Variants in C2CD2 observed in about 807,000 individuals in gnomAD.
C2CD2 encodes C2 domain-containing protein 2.
Under a neutral mutation model 74.3 loss-of-function variants are expected in C2CD2, and 43 were observed. The observed-to-expected ratio is 0.58, with a 90% CI of 0.45 to 0.75. C2CD2 has a LOEUF of 0.75. Ranked by LOEUF, C2CD2 falls within the 30% of genes least tolerant of loss-of-function variation. The probability of loss-of-function intolerance (pLI) is 0.00; values close to 1 mark genes in which losing one functional copy is unlikely to be tolerated. For synonymous variants in C2CD2, 422 were observed against 390.7 expected, an observed-to-expected ratio of 1.08 and a Z score of -0.94; for missense variants, 801 against 916.3, an observed-to-expected ratio of 0.87 and a Z score of 1.63.
In C2CD2 at chr21:41,892,489, T is replaced by A. The variant is rs569456203; in HGVS notation, c.1871-3145A>T. On this transcript the variant is annotated intron_variant, in intron 13 of 13. Transcript: ENST00000380486. This position sits in a 1 kb window ranked among gnomAD's most constrained non-coding sequence, Gnocchi z 4.6. ...TCCAGGAACGTCCACCATGTCTTCC[T>A]GTTCAGTCCTTAGAACCCAGGCAGC... Among the ~76,000 whole-genome samples the A allele has an allele frequency of 6.6e-6, 1 of 152,170 alleles. No homozygotes were observed. Among genetic ancestry groups the A allele is most frequent in the Non-Finnish European group, 1.5e-5 (1 of 68,020 alleles).
rs137925769 is a variant in C2CD2 at position 41,928,228 on chromosome 21, C to T, written c.379-6143G>A. Among the ~76,000 whole-genome samples, 237 of 152,318 alleles carry T rather than the reference C, an allele frequency of 1.6e-3. 1 individual carries two copies. The highest frequency in any genetic ancestry group is 5.5e-3 in the African/African-American group (228 of 41,562). Reference sequence around the variant, plus strand: ...CTCCTACGCCCCATGCTCTGTATTCCGACCAACCGACGAAACCTCGGGGCC... The same window carrying T: ...CTCCTACGCCCCATGCTCTGTATTCTGACCAACCGACGAAACCTCGGGGCC... On this transcript the variant is annotated intron_variant, in intron 2 of 13. Coordinates refer to ENST00000380486, the MANE Select transcript of C2CD2 (RefSeq NM_015500.2).
At chr21:41,912,752 G>A (rs953495304) in intron 6 of C2CD2, among the ~76,000 whole-genome samples, 1 of 152,128 alleles carries the variant, frequency 6.6e-6, no homozygotes, top group African/African-American at 2.4e-5. Flanking sequence ...GCCTCCCAAA[G>A]TGCTGGGATT....
rs1569057101 is a variant in C2CD2 at position 41,899,147 on chromosome 21, T to C, written c.1776A>G (p.Ala592=). ...GGTCCAGCAGGACCTGGCTGCTCCATGCCGCGGCCTGTGGCTCCTTCTCCA... is the reference window on the plus strand; with the variant it reads ...GGTCCAGCAGGACCTGGCTGCTCCACGCCGCGGCCTGTGGCTCCTTCTCCA... ...WDLEKEPQAA[A]WSSQVLLDPD... The change falls in exon 13 of 14, where the codon GCA becomes GCG. Residue 592 remains alanine, a synonymous_variant. Coordinates refer to ENST00000380486, the MANE Select transcript of C2CD2 (RefSeq NM_015500.2). This position sits in a 1 kb window ranked among gnomAD's most constrained non-coding sequence, Gnocchi z 4.4. 1.9e-6 allele frequency: 3 copies of C among 1,613,790 alleles called. No homozygotes were observed. The East Asian group carries it at 6.7e-5, about 36-fold the overall frequency.
rs1555906437 is a variant in C2CD2, at chr21:41,944,537, A to AAG, written c.280-2293_280-2292insCT. Among the ~76,000 whole-genome samples the AAG allele has an allele frequency of 3.2e-4, 48 of 150,176 alleles. 1 individual carries two copies. The highest frequency in any genetic ancestry group is 1.2e-3 in the African/African-American group (48 of 40,264). ...ACTCTGCCTCAAAAAAAAAAAAAAA[A>AAG]AAAAAGAAAAGAAAAGAGTTTGCTG... is the stretch of plus-strand genomic sequence containing the variant. On this transcript the variant is annotated intron_variant, in intron 1 of 13. Transcript: ENST00000380486.
At chr21:41,905,859 T>A (rs1252628160) in intron 10 of C2CD2, 22 bp from the exon 11 acceptor site, 3 of 1,351,074 alleles carry the variant, frequency 2.2e-6, no homozygotes, top group Non-Finnish European at 3.2e-6. Flanking sequence ...AGATCCTGAT[T>A]ACAAAAGCGG....
intron 1 of C2CD2, among the ~76,000 whole-genome samples, chr21:41,947,522 A>G (rs557603730): frequency 2.0e-5 from 3 of 152,280 alleles, no homozygotes; most frequent in African/African-American, 7.2e-5. Flanking sequence ...CATGCCACCA[A>G]TGTTAATTTC....
At chr21:41,891,950 C>T (rs1483303971) in intron 13 of C2CD2, among the ~76,000 whole-genome samples, 2 of 152,174 alleles carry the variant, frequency 1.3e-5, no homozygotes, top group African/African-American at 4.8e-5. Context: ...GAGGTATGAG[C>T]AGGGACAATG....
At chr21:41,894,949 G>A (rs1210327208) in intron 13 of C2CD2, 2 of 456,710 alleles carry the variant, frequency 4.4e-6, no homozygotes, top group Non-Finnish European at 8.8e-6. Flanking sequence ...CCACCTCCAC[G>A]AGCAACACCT....
At chr21:41,941,164 A>G (rs959379398) in intron 2 of C2CD2, among the ~76,000 whole-genome samples, 6 of 152,062 alleles carry the variant, frequency 3.9e-5, no homozygotes, top group African/African-American at 1.4e-4. Context: ...AAACCAGCTT[A>G]GGCAACATAG....
intron 2 of C2CD2, among the ~76,000 whole-genome samples, chr21:41,938,554 G>A (rs987519455): frequency 2.0e-5 from 3 of 151,776 alleles, no homozygotes; most frequent in African/African-American, 4.8e-5. Context: ...CTAACTCCCC[G>A]CTTTCCTCCC....
At chr21:41,898,189 G>A (rs970139566) in intron 13 of C2CD2, among the ~76,000 whole-genome samples, 1 of 152,240 alleles carries the variant, frequency 6.6e-6, no homozygotes, top group Non-Finnish European at 1.5e-5. Context: ...GCCAGAGCCA[G>A]GAGTTAATGC....
rs376491532 is a variant in C2CD2 at position 41,953,448 on chromosome 21, G to C, written c.201C>G (p.Ile67Met). The change falls in exon 1 of 14, where the codon ATC (isoleucine) becomes ATG (methionine). Residue 67 changes from isoleucine to methionine, a missense_variant. Transcript: ENST00000380486. ...RPGSDALLSW[I>M]LTLGSWRSQW... ...GGCTCCTCCAGCTGCCCAGCGTCAG[G>C]ATCCAGGAGAGCAGCGCGTCGGACC... 9.5e-6 allele frequency: 14 copies of C among 1,478,436 alleles called. No homozygotes were observed. Among genetic ancestry groups the C allele is most frequent in the Middle Eastern group, 1.8e-4 (1 of 5,666 alleles). The allele number at this position is 1,478,436 out of a possible 1,614,324, so 91.6% of individuals were successfully genotyped here. A position where few individuals can be genotyped will look rare whatever the true frequency, so the allele number is the denominator to read the frequency against.
At chr21:41,910,513 T>C (rs965112784) in intron 7 of C2CD2, among the ~76,000 whole-genome samples, 2 of 152,204 alleles carry the variant, frequency 1.3e-5, no homozygotes, top group African/African-American at 4.8e-5. Context: ...TACCAAGCTG[T>C]GAGGTGGAAA....
intron 1 of C2CD2, among the ~76,000 whole-genome samples, chr21:41,949,924 TG>T (rs1357331565): frequency 1.3e-5 from 2 of 152,108 alleles, no homozygotes; most frequent in Non-Finnish European, 2.9e-5. Flanking sequence ...CACTCATAGG[TG>T]GGAGTTGAAC....
intron 1 of C2CD2, among the ~76,000 whole-genome samples, chr21:41,950,265 G>A (rs75892803): frequency 0.03 from 4,492 of 152,270 alleles, 192 homozygotes; most frequent in African/African-American, 0.088. Context: ...CTACTGAGGC[G>A]GATGTGGGGG....
intron 3 of C2CD2, among the ~76,000 whole-genome samples, 170 bp downstream of exon 3, chr21:41,921,802 T>C (rs1443084178): frequency 1.3e-5 from 2 of 152,170 alleles, no homozygotes; most frequent in African/African-American, 2.4e-5. Flanking sequence ...TGTGTGATCA[T>C]TTCCTACATA....
intron 1 of C2CD2, among the ~76,000 whole-genome samples, chr21:41,949,198 G>A (rs370939054): frequency 1.4e-4 from 21 of 152,274 alleles, no homozygotes; most frequent in African/African-American, 4.8e-4. Context: ...TCCCAGAGTC[G>A]AGGAGACTGT....
intron 6 of C2CD2, among the ~76,000 whole-genome samples, chr21:41,913,867 A>G (rs2065056342): frequency 6.6e-6 from 1 of 152,158 alleles, no homozygotes; most frequent in South Asian, 2.1e-4. Context: ...CTTGGCTCCA[A>G]CAGCAGCCAT....
In C2CD2 at chr21:41,895,711, A is replaced by G. The variant is rs2064814160; in HGVS notation, c.1870+3342T>C. On this transcript the variant is annotated intron_variant, in intron 13 of 13. Transcript: ENST00000380486. This position sits in a 1 kb window ranked among gnomAD's most constrained non-coding sequence, Gnocchi z 5.0. ...AATTTAAACATAATTAATCTAAATT[A>G]TAGCTCTAATGTCATAAATATTTCC... is the stretch of plus-strand genomic sequence containing the variant. Among the ~76,000 whole-genome samples the G allele has an allele frequency of 6.6e-6, 1 of 152,250 alleles. No homozygotes were observed. Among genetic ancestry groups the G allele is most frequent in the Admixed American group, 6.5e-5 (1 of 15,286 alleles).
Sources: gnomAD v4.1 joint callset for allele counts (sites outside exome capture counted in the v4.1 genomes callset) on GRCh38, gnomAD v4.1.1 for gene constraint, Gnocchi (gnomAD v3.1) non-coding constraint, MANE v1.5 for transcripts, NCBI Gene and HGNC (gene_info 2026-07-23, HGNC 2026-07-21) for gene names.